SLC2A9: variants seen among roughly 807,000 people sequenced by gnomAD.
SLC2A9 encodes the protein solute carrier family 2, facilitated glucose transporter member 9.
Under a neutral mutation model 50.6 loss-of-function variants are expected in SLC2A9, and 39 were observed. That is an observed-to-expected ratio of 0.77 (90% CI 0.60 to 1.01). The LOEUF is 1.01. Ranked by LOEUF, SLC2A9 falls within the 50% of genes least tolerant of loss-of-function variation. SLC2A9 has a pLI of 0.00. For synonymous variants in SLC2A9, 324 were observed against 276.9 expected, an observed-to-expected ratio of 1.17 and a Z score of -1.69; for missense variants, 686 against 677.6, an observed-to-expected ratio of 1.01 and a Z score of -0.14.
At chr4:9,879,316 AG>A (rs1734812045) in intron 10 of SLC2A9, 2 of 985,112 alleles carry the variant, frequency 2.0e-6, no homozygotes, top group Non-Finnish European at 2.4e-6. Context: ...TTGTTGCAAG[AG>A]GGGAAATAGC....
downstream of SLC2A9, among the ~76,000 whole-genome samples, chr4:9,798,022 G>A (rs1415143366): frequency 6.6e-6 from 1 of 152,240 alleles, no homozygotes; most frequent in South Asian, 2.1e-4. Flanking sequence ...TGGATGGATA[G>A]AGGCTGCTGG....
chr4:9,850,768 T>C (rs10004947), intron 10 of SLC2A9, among the ~76,000 whole-genome samples: 24,176 of 151,986 alleles, frequency 0.16, 2,625 homozygotes, highest in African/African-American at 0.3. Flanking sequence ...CTTGCCTCCC[T>C]CTCTTCCAGC....
intron 1 of SLC2A9, among the ~76,000 whole-genome samples, chr4:10,028,766 T>C (rs967863916): frequency 1.3e-5 from 2 of 152,200 alleles, no homozygotes; most frequent in Admixed American, 6.5e-5. Context: ...GTGCTGCCTC[T>C]GCCTCCTTCC....
At chr4:9,915,078 T>C (rs1742609031) in intron 7 of SLC2A9, among the ~76,000 whole-genome samples, 1 of 152,186 alleles carries the variant, frequency 6.6e-6, no homozygotes, top group South Asian at 2.1e-4. Context: ...ACATGAGTGA[T>C]TGAGGCTCAG....
intron 10 of SLC2A9, among the ~76,000 whole-genome samples, chr4:9,844,719 C>A (rs1233112778): frequency 6.6e-6 from 1 of 152,240 alleles, no homozygotes; most frequent in Non-Finnish European, 1.5e-5. Flanking sequence ...AATCTGCTAC[C>A]TTTCTTTCTC....
intron 5 of SLC2A9, among the ~76,000 whole-genome samples, chr4:9,960,073 T>G (rs150005048): frequency 1.7e-5 from 2 of 118,746 alleles, no homozygotes; most frequent in African/African-American, 6.9e-5. Context: ...CAGTGGGCAT[T>G]ACTTGGAAAA....
chr4:9,913,353 G>GAGAGAC (rs1235113696), intron 7 of SLC2A9, among the ~76,000 whole-genome samples: 1 of 149,460 alleles, frequency 6.7e-6, no homozygotes, highest in Non-Finnish European at 1.5e-5. Flanking sequence ...GAGAGAGAGA[G>GAGAGAC]AGACAGAGAG....
At chr4:9,900,578 C>G (rs1238040400) in intron 8 of SLC2A9, among the ~76,000 whole-genome samples, 3 of 152,108 alleles carry the variant, frequency 2.0e-5, no homozygotes, top group African/African-American at 7.2e-5. Context: ...CCTTCCTCAT[C>G]CCCACCCAGT....
chr4:9,801,758 T>A (rs1056614629), intron 3 of SLC2A9, among the ~76,000 whole-genome samples: 2 of 152,218 alleles, frequency 1.3e-5, no homozygotes, highest in African/African-American at 4.8e-5. Context: ...TGGCATCTCC[T>A]GCACGTGGTG....
At chr4:10,011,141 C>T (rs1761698648) in intron 2 of SLC2A9, among the ~76,000 whole-genome samples, 1 of 152,192 alleles carries the variant, frequency 6.6e-6, no homozygotes, top group Admixed American at 6.5e-5. Context: ...TCCATACTGT[C>T]GGCCCTGCCA....
At chr4:9,827,742 G>C (rs1424852494) in intron 11 of SLC2A9, among the ~76,000 whole-genome samples, 1 of 152,154 alleles carries the variant, frequency 6.6e-6, no homozygotes, top group Non-Finnish European at 1.5e-5. Flanking sequence ...CCACACCTGG[G>C]GGTGCTTAGC....
intron 11 of SLC2A9, among the ~76,000 whole-genome samples, chr4:9,830,765 G>C (rs148352315): frequency 6.6e-6 from 1 of 152,104 alleles, no homozygotes; most frequent in Non-Finnish European, 1.5e-5. Context: ...AGTGTTTTTC[G>C]CAGGCTTTAT....
rs114740251 is a variant in SLC2A9 at position 9,946,690 on chromosome 4, C to T, written c.682-4645G>A. On this transcript the variant is annotated intron_variant, in intron 5 of 11. Coordinates refer to ENST00000264784, the MANE Select transcript of SLC2A9 (RefSeq NM_020041.3). Reference sequence around the variant, plus strand: ...ACATTGATCAAGTGGGCTCCACGTGCCCAGCTCCCTGCTAAGTGTGTTACA... The same window carrying T: ...ACATTGATCAAGTGGGCTCCACGTGTCCAGCTCCCTGCTAAGTGTGTTACA... Among the ~76,000 whole-genome samples the T allele has an allele frequency of 3.5e-3, 529 of 152,300 alleles. 4 individuals are homozygous for T. The highest frequency in any genetic ancestry group is 0.012 in the African/African-American group (481 of 41,566).
chr4:9,863,942 T>C (rs1004334337), intron 10 of SLC2A9, among the ~76,000 whole-genome samples: 1 of 152,048 alleles, frequency 6.6e-6, no homozygotes, highest in Non-Finnish European at 1.5e-5. Flanking sequence ...GTTGCAGAAA[T>C]CAAAGACTGT....
intron 6 of SLC2A9, among the ~76,000 whole-genome samples, chr4:9,938,409 C>T (rs1375492265): frequency 1.3e-5 from 2 of 151,668 alleles, no homozygotes; most frequent in East Asian, 1.9e-4. Context: ...GTAGCTGGGA[C>T]TACAGGCGCC....
At chr4:9,784,430 A>G (rs1213046462) in intron 3 of SLC2A9, among the ~76,000 whole-genome samples, 4 of 152,264 alleles carry the variant, frequency 2.6e-5, no homozygotes, top group Non-Finnish European at 4.4e-5. Context: ...TTTTAGAATG[A>G]CATGGCTTTT....
chr4:9,887,515 G>C, intron 10 of SLC2A9, 52 bp downstream of exon 10: 1 of 1,513,998 alleles, frequency 6.6e-7, no homozygotes, highest in Admixed American at 2.0e-5. Flanking sequence ...CCCCCAGCTT[G>C]GTGATGCCAT....
In SLC2A9 at chr4:9,791,829, G is replaced by A. The variant is rs541257994; in HGVS notation, n.386-11764C>T. Reference sequence around the variant, plus strand: ...GAGACTGTGAGCCAGAAGACCCAGCGAATCTTTGCCTGGGCTCCTGACTCA... The same window carrying A: ...GAGACTGTGAGCCAGAAGACCCAGCAAATCTTTGCCTGGGCTCCTGACTCA... On this transcript the variant is annotated intron_variant and non_coding_transcript_variant, in intron 3 of 3. Transcript: ENST00000503803. Among the ~76,000 whole-genome samples, 75 of 152,276 alleles carry A rather than the reference G, an allele frequency of 4.9e-4. 1 individual carries two copies. The South Asian group carries it at 0.011, about 21-fold the overall frequency.
At chr4:9,978,400 A>G (rs752442528) in intron 5 of SLC2A9, among the ~76,000 whole-genome samples, 2 of 152,246 alleles carry the variant, frequency 1.3e-5, no homozygotes, top group Non-Finnish European at 2.9e-5. Context: ...GAATTTGGAA[A>G]TGATCCCCAA....
Sources: gnomAD v4.1 joint callset for allele counts (sites outside exome capture counted in the v4.1 genomes callset) on GRCh38, gnomAD v4.1.1 for gene constraint, MANE v1.5 for transcripts, NCBI Gene and HGNC (gene_info 2026-07-23, HGNC 2026-07-21) for gene names.